Variants in RNASET2 observed in about 807,000 individuals in gnomAD.
The protein encoded by RNASET2 is ribonuclease 6.
A neutral mutation model predicts 33.9 loss-of-function variants in RNASET2; 28 were observed. The observed-to-expected ratio is 0.83, with a 90% CI of 0.61 to 1.13. RNASET2 has a LOEUF of 1.13. Among genes scored for constraint, RNASET2 ranks in the 50% most tolerant of loss-of-function variants. The pLI, the probability that RNASET2 is intolerant of heterozygous loss-of-function variation, is 0.00. For synonymous variants in RNASET2, 123 were observed against 121.0 expected, an observed-to-expected ratio of 1.02 and a Z score of -0.11; for missense variants, 330 against 319.9, an observed-to-expected ratio of 1.03 and a Z score of -0.24.
In RNASET2 at chr6:166,924,499, G is replaced by A. The variant is rs1348849426; in HGVS notation, c.*5089C>T. Among the ~76,000 whole-genome samples the A allele has an allele frequency of 6.6e-6, 1 of 152,220 alleles. No homozygotes were observed. The highest frequency in any genetic ancestry group is 1.9e-4 in the East Asian group (1 of 5,194). The stretch of plus-strand genomic sequence containing the variant: ...AGGTGCACTCATGGAGCACAGAAGC[G>A]AGTTGGACAAAGTCCGGGCCTTTGT... On this transcript the variant is annotated 3_prime_UTR_variant, in exon 9 of 9. Coordinates refer to ENST00000508775, the MANE Select transcript of RNASET2 (RefSeq NM_003730.6).
At position 166,931,103 on chromosome 6, in the gene RNASET2, C is replaced by T; in HGVS notation, c.508G>A (p.Asp170Asn). The T allele has an allele frequency of 6.2e-7, 1 of 1,608,422 alleles. No individual in the cohort carries two copies. The highest frequency in any genetic ancestry group is 8.5e-7 in the Non-Finnish European group (1 of 1,174,796). Residue 170 changes from aspartate (D) to asparagine (N), a missense_variant, in exon 8 of 9, where the codon GAT (aspartate) becomes AAT (asparagine). Coordinates refer to ENST00000508775, the MANE Select transcript of RNASET2 (RefSeq NM_003730.6). Reference sequence around the variant, plus strand: ...ACTCCATATACTCTGGCAAGGGCATCTTTAAAATCTGCAACCTGATTTTAA... The same window carrying T: ...ACTCCATATACTCTGGCAAGGGCATTTTTAAAATCTGCAACCTGATTTTAA... ...INYYQVADFK[D>N]ALARVYGVIP... is the part of the protein sequence containing the mutation.
chr6:166,955,991 C>T (rs553458592), intron 1 of RNASET2, 106 bp downstream of exon 1: 1 of 1,238,556 alleles, frequency 8.1e-7, no homozygotes. Flanking sequence ...CCAGTCGCTG[C>T]CCGGGGCTCA....
rs943070391 is a variant in RNASET2 at position 166,929,630 on chromosome 6, A to G, written c.729T>C (p.Asp243=). 1.9e-6 allele frequency: 3 copies of G among 1,614,140 alleles called. No individual in the cohort carries two copies. Among genetic ancestry groups the G allele is most frequent in the Non-Finnish European group, 2.5e-6 (3 of 1,180,032 alleles). Residue 243 remains aspartate (D), a synonymous_variant, in exon 9 of 9, where the codon GAT becomes GAC. Transcript: ENST00000508775. ...TAGGTGGGGGATAGAAGACTGGGCC[A>G]TCTTCACAGACTCTCAGACCCCGGC... ...AESRGLRVCE[D]GPVFYPPPKK...
intron 5 of RNASET2, among the ~76,000 whole-genome samples, chr6:166,941,948 T>G (rs1055851733): frequency 6.6e-6 from 1 of 152,184 alleles, no homozygotes; most frequent in Non-Finnish European, 1.5e-5. Context: ...TAGCTTCTGC[T>G]GAACTTAAAG....
chr6:166,931,624 C>T (rs993867497), intron 7 of RNASET2: 4 of 187,152 alleles, frequency 2.1e-5, no homozygotes, highest in Non-Finnish European at 4.5e-5. Context: ...CCTAGACCCC[C>T]CTGTGCTCCA....
chr6:166,952,613 AC>A, intron 1 of RNASET2, 65 bp from the exon 2 acceptor site: 2 of 1,230,440 alleles, frequency 1.6e-6, no homozygotes, highest in East Asian at 2.4e-5. Flanking sequence ...AAATTCATCC[AC>A]CCATCCATCC....
At position 166,925,393 on chromosome 6, in the gene RNASET2, C is replaced by G. The variant is rs1583209407; in HGVS notation, c.*4195G>C. ...GCCACCCAGGCCTCATCTACACTGC[C>G]TAGCCCTCACCTCCCCTGTCCAGCC... is the stretch of plus-strand genomic sequence containing the variant. On this transcript the variant is annotated 3_prime_UTR_variant, in exon 9 of 9. Transcript: ENST00000508775. Among the ~76,000 whole-genome samples the G allele has an allele frequency of 6.6e-6, 1 of 151,256 alleles. No homozygotes were observed. Among genetic ancestry groups the G allele is most frequent in the African/African-American group, 2.4e-5 (1 of 41,348 alleles).
intron 5 of RNASET2, among the ~76,000 whole-genome samples, chr6:166,941,293 C>T (rs1778685231): frequency 6.6e-6 from 1 of 152,132 alleles, no homozygotes; most frequent in Non-Finnish European, 1.5e-5. Flanking sequence ...GCTCAAGACC[C>T]AGCTCACTGA....
In RNASET2 at chr6:166,929,155, C is replaced by A. The variant is rs1389274014; in HGVS notation, c.*433G>T. Reference sequence around the variant, plus strand: ...CCCAGTCTGAGCTAGAGACACCCCCCAGGCCCACCAGGCATCAGCGTGGGC... The same window carrying A: ...CCCAGTCTGAGCTAGAGACACCCCCAAGGCCCACCAGGCATCAGCGTGGGC... On this transcript the variant is annotated 3_prime_UTR_variant, in exon 9 of 9. Coordinates refer to ENST00000508775, the MANE Select transcript of RNASET2 (RefSeq NM_003730.6). 6.6e-6 allele frequency among the ~76,000 whole-genome samples: 1 copy of A among 152,216 alleles called. No homozygotes were observed. Among genetic ancestry groups the A allele is most frequent in the Non-Finnish European group, 1.5e-5 (1 of 68,030 alleles).
rs370545130 is a variant in RNASET2 at position 166,929,795 on chromosome 6, A to G, written c.568-4T>C. ...CAATTGTCTGTACTTCCTCATCCTA[A>G]AAGTAAACAATGAAAGACGCTTTAG... is the stretch of plus-strand genomic sequence containing the variant. On this transcript the variant is annotated splice_polypyrimidine_tract_variant and splice_region_variant and intron_variant, in intron 8 of 8. Coordinates refer to ENST00000508775, the MANE Select transcript of RNASET2 (RefSeq NM_003730.6). 87 of 1,612,668 alleles carry G rather than the reference A, an allele frequency of 5.4e-5. No homozygotes were observed. The highest frequency in any genetic ancestry group is 8.5e-6 in the Non-Finnish European group (10 of 1,178,838).
intron 4 of RNASET2, among the ~76,000 whole-genome samples, chr6:166,945,811 CA>C (rs1699137914): frequency 8.6e-6 from 1 of 115,954 alleles, no homozygotes. Context: ...GCCTGGGCAA[CA>C]AGAGCAAAAC....
Position 166,922,835 on chromosome 6 carries a change from A to C in RNASET2, c.*6753T>G, listed in dbSNP as rs534943570. 6.6e-6 allele frequency among the ~76,000 whole-genome samples: 1 copy of C among 152,368 alleles called. No homozygotes were observed. Among genetic ancestry groups the C allele is most frequent in the African/African-American group, 2.4e-5 (1 of 41,586 alleles). On this transcript the variant is annotated 3_prime_UTR_variant, in exon 9 of 9. Transcript: ENST00000508775. ...GTCCAAGACATATGGTCATCAAGAC[A>C]GAAGAGCAGATGGTGACAGGTACCA...
At chr6:166,939,057 C>A (rs372812934) in intron 5 of RNASET2, 49 bp from the exon 6 acceptor site, 2 of 1,329,038 alleles carry the variant, frequency 1.5e-6, no homozygotes, top group South Asian at 1.2e-5. Context: ...AAACAGGCTG[C>A]GTGCAGTGGC....
intron 6 of RNASET2, chr6:166,934,540 A>G (rs995941402): frequency 1.7e-5 from 4 of 239,616 alleles, no homozygotes; most frequent in African/African-American, 9.1e-5. Flanking sequence ...GTCATGCGCC[A>G]CATTACGACA....
chr6:166,953,068 A>G lies in RNASET2; in HGVS notation c.87-520T>C, dbSNP rs76917247. 1,245 of 205,922 alleles carry G rather than the reference A, an allele frequency of 6.0e-3. 37 individuals are homozygous for G. The East Asian group carries it at 0.086, about 14-fold the overall frequency. 12.8% of individuals were successfully genotyped at this position (205,922 alleles called of 1,614,324 possible). ...TTTTAGACTTCACTTGCTTCTCTGCAGAATTTGTGTCATTTGATTTTAGGG... is the reference window on the plus strand; with the variant it reads ...TTTTAGACTTCACTTGCTTCTCTGCGGAATTTGTGTCATTTGATTTTAGGG... On this transcript the variant is annotated intron_variant, in intron 1 of 8. Transcript: ENST00000508775.
intron 5 of RNASET2, among the ~76,000 whole-genome samples, chr6:166,940,966 A>T (rs1408030798): frequency 3.3e-5 from 5 of 152,148 alleles, no homozygotes; most frequent in African/African-American, 1.2e-4. Flanking sequence ...CAGTGCTGTG[A>T]CACCTTCCCC....
At chr6:166,955,682 C>T (rs1470537233) in intron 1 of RNASET2, 18 of 1,065,416 alleles carry the variant, frequency 1.7e-5, no homozygotes, top group Non-Finnish European at 2.1e-5. Context: ...AGGACCTCAC[C>T]CTACCCCCTA....
intron 1 of RNASET2, 183 bp from the exon 2 acceptor site, chr6:166,952,731 G>T: frequency 1.6e-6 from 1 of 616,090 alleles, no homozygotes; most frequent in Non-Finnish European, 3.0e-6. Context: ...CACTAAGAAG[G>T]CACGTGTGGT....
intron 8 of RNASET2, among the ~76,000 whole-genome samples, chr6:166,930,348 A>G (rs1214918176): frequency 3.3e-5 from 5 of 151,894 alleles, no homozygotes; most frequent in African/African-American, 7.3e-5. Context: ...AGGCCTGTGC[A>G]CACATGCAGA....
Sources: gnomAD v4.1 joint callset for allele counts (sites outside exome capture counted in the v4.1 genomes callset) on GRCh38, gnomAD v4.1.1 for gene constraint, MANE v1.5 for transcripts, NCBI Gene and HGNC (gene_info 2026-07-23, HGNC 2026-07-21) for gene names.